Variants in FBXO39 observed in about 807,000 individuals in gnomAD.
The protein encoded by FBXO39 is F-box protein 39.
A neutral mutation model predicts 36.6 loss-of-function variants in FBXO39; 22 were observed. That is an observed-to-expected ratio of 0.60 (90% CI 0.43 to 0.86). The LOEUF (loss-of-function observed/expected upper bound fraction) is 0.86, where lower values mean the gene tolerates loss of function less well. Ranked by LOEUF, FBXO39 falls within the 40% of genes least tolerant of loss-of-function variation. The probability of loss-of-function intolerance (pLI) is 0.00; values close to 1 mark genes in which losing one functional copy is unlikely to be tolerated. For missense variants in FBXO39, 536 were observed against 543.9 expected, an observed-to-expected ratio of 0.99 and a Z score of 0.14; for synonymous variants, 206 against 205.8, an observed-to-expected ratio of 1.00 and a Z score of -0.01.
intron 3 of FBXO39, 96 bp downstream of exon 3, chr17:6,787,052 G>A (rs1976581405): frequency 5.0e-6 from 7 of 1,403,406 alleles, no homozygotes; most frequent in African/African-American, 1.4e-5. Context: ...GGCAGTGGGG[G>A]ACAATCATCT....
At position 6,780,855 on chromosome 17, in the gene FBXO39, G is replaced by A. The variant is rs748574330; in HGVS notation, c.987G>A (p.Leu329=). 1 of 1,613,590 alleles carries A rather than the reference G, an allele frequency of 6.2e-7. No individual in the cohort carries two copies. Among genetic ancestry groups the A allele is most frequent in the Non-Finnish European group, 8.5e-7 (1 of 1,179,996 alleles). ...CAGACTGTTCAATGAGACCCACTCT[G>A]ATAGATCTCCTGCCCACCTTCCGGC... ...SDPDCSMRPT[L]IDLLPTFRHT... The change falls in exon 2 of 4, where the codon CTG becomes CTA. Residue 329 remains leucine (L), a synonymous_variant. Coordinates refer to ENST00000321535, the MANE Select transcript of FBXO39 (RefSeq NM_153230.3).
At chr17:6,782,868 G>C (rs1428514728) in intron 2 of FBXO39, among the ~76,000 whole-genome samples, 1 of 151,982 alleles carries the variant, frequency 6.6e-6, no homozygotes, top group African/African-American at 2.4e-5. Flanking sequence ...AGATCTTCAA[G>C]ACACAAAATC....
intron 3 of FBXO39, 96 bp downstream of exon 3, chr17:6,787,052 GA>G (rs767980734): frequency 2.1e-6 from 3 of 1,403,526 alleles, no homozygotes; most frequent in South Asian, 1.4e-5. Context: ...GGCAGTGGGG[GA>G]CAATCATCTG....
intron 2 of FBXO39, among the ~76,000 whole-genome samples, chr17:6,781,215 T>C (rs1055590725): frequency 6.6e-6 from 1 of 152,208 alleles, no homozygotes; most frequent in African/African-American, 2.4e-5. Flanking sequence ...CTGGGCTGCC[T>C]CTTCCTACTT....
chr17:6,787,011 T>G, intron 3 of FBXO39, 55 bp downstream of exon 3: 3 of 1,553,586 alleles, frequency 1.9e-6, no homozygotes, highest in Non-Finnish European at 2.6e-6. Context: ...CCAGGAATGG[T>G]GCTTCTGCTC....
At chr17:6,787,258 G>A (rs771060023) in intron 3 of FBXO39, 42 bp from the exon 4 acceptor site, 4 of 1,610,880 alleles carry the variant, frequency 2.5e-6, no homozygotes, top group Non-Finnish European at 3.4e-6. Context: ...GTGTGTGCGT[G>A]TGTGCGTGCT....
At position 6,787,327 on chromosome 17, in the gene FBXO39, A is replaced by G; in HGVS notation, c.1228A>G (p.Thr410Ala). ...GAGAATTTATACAAACAGATATGAG[A>G]CGAATGAAGAGGACAAGACCCTGCA... ...KARIYTNRYE[T>A]NEEDKTLQEI... The change falls in exon 4 of 4, where the codon ACG (threonine) becomes GCG (alanine). Residue 410 changes from threonine (T) to alanine (A), a missense_variant. Transcript: ENST00000321535. 6.2e-7 allele frequency: 1 copy of G among 1,613,988 alleles called. No individual in the cohort carries two copies. Among genetic ancestry groups the G allele is most frequent in the Non-Finnish European group, 8.5e-7 (1 of 1,179,976 alleles).
chr17:6,786,771 C>G lies in FBXO39; in HGVS notation c.1024-9C>G. ...CCCACACACATCTTCCCTTTTGGTG[C>G]TCTTCCAGAAATTAACTTGTGAATT... On this transcript the variant is annotated splice_polypyrimidine_tract_variant and intron_variant, in intron 2 of 3. Coordinates refer to ENST00000321535, the MANE Select transcript of FBXO39 (RefSeq NM_153230.3). 6.3e-7 allele frequency: 1 copy of G among 1,592,288 alleles called. No homozygotes were observed. The highest frequency in any genetic ancestry group is 8.6e-7 in the Non-Finnish European group (1 of 1,169,382).
chr17:6,782,668 A>G (rs1976523859), intron 2 of FBXO39, among the ~76,000 whole-genome samples: 1 of 152,178 alleles, frequency 6.6e-6, no homozygotes, highest in Non-Finnish European at 1.5e-5. Flanking sequence ...AAATCTATAA[A>G]AAGAGACAGA....
At chr17:6,778,554 C>T (rs1048231330) in intron 1 of FBXO39, among the ~76,000 whole-genome samples, 1 of 152,162 alleles carries the variant, frequency 6.6e-6, no homozygotes, top group Non-Finnish European at 1.5e-5. Context: ...AATCAATTCT[C>T]AGGTCTCTTT....
rs1363798588 is a variant in FBXO39, at chr17:6,786,893, T to C, written c.1137T>C (p.Val379=). The change falls in exon 3 of 4, where the codon GTT becomes GTC. Residue 379 remains valine, a synonymous_variant. Coordinates refer to ENST00000321535, the MANE Select transcript of FBXO39 (RefSeq NM_153230.3). ...TCAAAATCTGGGCTTTCCTTGATGTTAGTTTTGTGGAGCGGATCCTGAAGA... is the reference window on the plus strand; with the variant it reads ...TCAAAATCTGGGCTTTCCTTGATGTCAGTTTTGTGGAGCGGATCCTGAAGA... ...FYFKIWAFLD[V]SFVERILKSQ... 1 of 1,614,112 alleles carries C rather than the reference T, an allele frequency of 6.2e-7. No homozygotes were observed. Among genetic ancestry groups the C allele is most frequent in the East Asian group, 2.2e-5 (1 of 44,876 alleles).
intron 2 of FBXO39, among the ~76,000 whole-genome samples, chr17:6,781,915 A>G (rs1268021840): frequency 6.6e-6 from 1 of 152,238 alleles, no homozygotes; most frequent in African/African-American, 2.4e-5. Flanking sequence ...TGAAGGTACA[A>G]GACGTATACT....
chr17:6,785,863 A>G (rs1236923041), intron 2 of FBXO39, among the ~76,000 whole-genome samples: 1 of 152,166 alleles, frequency 6.6e-6, no homozygotes, highest in Non-Finnish European at 1.5e-5. Context: ...CAAATGCTGG[A>G]AAGGATGTAG....
At chr17:6,778,134 A>G (rs1456028877) in intron 1 of FBXO39, among the ~76,000 whole-genome samples, 3 of 152,260 alleles carry the variant, frequency 2.0e-5, no homozygotes, top group Non-Finnish European at 4.4e-5. Context: ...GGTTCTATTC[A>G]GCTGCTAGAC....
In FBXO39 at chr17:6,779,945, G is replaced by A. The variant is rs150934591; in HGVS notation, c.77G>A (p.Arg26His). ...WAFLPDLCLC[R>H]VFWWLGDRDR... Reference sequence around the variant, plus strand: ...TTTCTGCCCGATTTGTGTCTGTGCCGTGTTTTCTGGTGGCTAGGAGACAGG... The same window carrying A: ...TTTCTGCCCGATTTGTGTCTGTGCCATGTTTTCTGGTGGCTAGGAGACAGG... The change falls in exon 2 of 4, where the codon CGT (arginine) becomes CAT (histidine). Residue 26 changes from arginine to histidine, a missense_variant. By Grantham distance (29) the Arg-to-His change is conservative (BLOSUM62 0). Coordinates refer to ENST00000321535, the MANE Select transcript of FBXO39 (RefSeq NM_153230.3). 4,357 of 1,614,216 alleles carry A rather than the reference G, an allele frequency of 2.7e-3. 18 individuals carry two copies. The highest frequency in any genetic ancestry group is 6.9e-3 in the South Asian group (631 of 91,072).
chr17:6,786,035 A>T (rs1212309148), intron 2 of FBXO39, among the ~76,000 whole-genome samples: 1 of 152,224 alleles, frequency 6.6e-6, no homozygotes, highest in Non-Finnish European at 1.5e-5. Context: ...TCAATATATC[A>T]AAGAGATGTC....
Position 6,786,875 on chromosome 17 carries a change from C to T in FBXO39, c.1119C>T (p.Ile373=), listed in dbSNP as rs1029390902. Residue 373 remains isoleucine (I), a synonymous_variant, in exon 3 of 4, where the codon ATC becomes ATT. Transcript: ENST00000321535. ...ISCRKLFYFK[I]WAFLDVSFVE... Reference sequence around the variant, plus strand: ...GCAGGAAGTTGTTTTACTTCAAAATCTGGGCTTTCCTTGATGTTAGTTTTG... The same window carrying T: ...GCAGGAAGTTGTTTTACTTCAAAATTTGGGCTTTCCTTGATGTTAGTTTTG... 3.7e-6 allele frequency: 6 copies of T among 1,613,964 alleles called. No individual in the cohort carries two copies. Among genetic ancestry groups the T allele is most frequent in the Non-Finnish European group, 5.1e-6 (6 of 1,179,992 alleles).
chr17:6,785,060 G>C (rs1186002831), intron 2 of FBXO39, among the ~76,000 whole-genome samples: 1 of 140,040 alleles, frequency 7.1e-6, no homozygotes, highest in Non-Finnish European at 1.5e-5. Context: ...TTATATTACA[G>C]AGCTATAGTC....
chr17:6,787,326 G>A lies in FBXO39; in HGVS notation c.1227G>A (p.Glu409=). Residue 409 remains glutamate (E), a synonymous_variant, in exon 4 of 4, where the codon GAG becomes GAA. Transcript: ENST00000321535. ...FKARIYTNRY[E]TNEEDKTLQE... ...CGAGAATTTATACAAACAGATATGA[G>A]ACGAATGAAGAGGACAAGACCCTGC... 6.2e-7 allele frequency: 1 copy of A among 1,613,958 alleles called. No individual in the cohort carries two copies. The highest frequency in any genetic ancestry group is 8.5e-7 in the Non-Finnish European group (1 of 1,179,954).
Sources: allele counts gnomAD v4.1 joint callset (sites outside exome capture counted in the v4.1 genomes callset), GRCh38; gene constraint gnomAD v4.1.1; transcripts MANE v1.5; gene names NCBI Gene and HGNC (gene_info 2026-07-23, HGNC 2026-07-21).